The following POU6F2 variants were observed in gnomAD, a reference collection of about 807,000 sequenced individuals.
POU6F2 encodes the protein POU domain, class 6, transcription factor 2.
Under a neutral mutation model 71.3 loss-of-function variants are expected in POU6F2, and 31 were observed. The ratio of observed to expected loss-of-function variants is 0.43; its 90% CI spans 0.33 to 0.59. The LOEUF (loss-of-function observed/expected upper bound fraction) is 0.59, where lower values mean the gene tolerates loss of function less well. Among genes scored for constraint, POU6F2 ranks in the 20% least tolerant of loss-of-function variants. The pLI, the probability that POU6F2 is intolerant of heterozygous loss-of-function variation, is 0.04. For missense variants in POU6F2, 783 were observed against 856.8 expected, an observed-to-expected ratio of 0.91 and a Z score of 1.07; for synonymous variants, 347 against 355.7, an observed-to-expected ratio of 0.98 and a Z score of 0.27.
chr7:39,104,758 C>A (rs1201992241), intron 2 of POU6F2, among the ~76,000 whole-genome samples: 1 of 152,188 alleles, frequency 6.6e-6, no homozygotes, highest in Non-Finnish European at 1.5e-5. Context: ...GTTTTATAAT[C>A]ACCACAAAAG....
At chr7:39,213,303 A>G (rs763571996) in intron 4 of POU6F2, among the ~76,000 whole-genome samples, 1 of 152,174 alleles carries the variant, frequency 6.6e-6, no homozygotes, top group Non-Finnish European at 1.5e-5. Flanking sequence ...CTGACTCCCC[A>G]AATTAAAGCC....
At chr7:39,101,842 T>C (rs994040582) in intron 2 of POU6F2, among the ~76,000 whole-genome samples, 3 of 152,186 alleles carry the variant, frequency 2.0e-5, no homozygotes. Context: ...TAAATATATA[T>C]GGTTATTATT....
At chr7:39,313,462 A>G (rs1297867651) in intron 4 of POU6F2, among the ~76,000 whole-genome samples, 1 of 152,064 alleles carries the variant, frequency 6.6e-6, no homozygotes, top group Admixed American at 6.6e-5. Flanking sequence ...TCTCCCCCAG[A>G]CTACAATGTA....
intron 1 of POU6F2, among the ~76,000 whole-genome samples, chr7:39,084,313 T>C (rs1791190433): frequency 6.6e-6 from 1 of 152,200 alleles, no homozygotes; most frequent in Admixed American, 6.5e-5. Context: ...CCTCAGAGGT[T>C]TGAAACAGTC....
At chr7:39,423,464 A>C (rs1049846003) in intron 6 of POU6F2, among the ~76,000 whole-genome samples, 31 of 152,168 alleles carry the variant, frequency 2.0e-4, no homozygotes, top group African/African-American at 7.0e-4. Flanking sequence ...GGCCCTCAGA[A>C]AGGATTTGCT....
chr7:39,118,997 C>G (rs1244153533), intron 2 of POU6F2, among the ~76,000 whole-genome samples: 4 of 152,214 alleles, frequency 2.6e-5, no homozygotes, highest in Non-Finnish European at 5.9e-5. Flanking sequence ...TTCATTCACT[C>G]ATGTTCAACT....
intron 4 of POU6F2, among the ~76,000 whole-genome samples, chr7:39,260,516 A>G (rs953501702): frequency 2.8e-5 from 4 of 144,682 alleles, no homozygotes; most frequent in Non-Finnish European, 6.1e-5. Flanking sequence ...CACACACCAC[A>G]CCACATTCCA....
intron 5 of POU6F2, among the ~76,000 whole-genome samples, chr7:39,369,975 G>T (rs1786576782): frequency 6.6e-6 from 1 of 151,930 alleles, no homozygotes; most frequent in South Asian, 2.1e-4. Context: ...ACCGCACCCA[G>T]CCTAAAGTAT....
In POU6F2 at chr7:39,354,026, C is replaced by G. The variant is rs1583545985; in HGVS notation, c.972+14011C>G. ...TTTACGCTGATCCGTAACACCCGCC[C>G]GCTCCAGGCGGCCCGGCAGGAGGCT... On this transcript the variant is annotated intron_variant, in intron 5 of 9. Transcript: ENST00000518318. Among the ~76,000 whole-genome samples the G allele has an allele frequency of 3.9e-5, 6 of 152,326 alleles. No individual in the cohort carries two copies. The South Asian group carries it at 1.0e-3, about 26-fold the overall frequency.
intron 4 of POU6F2, among the ~76,000 whole-genome samples, chr7:39,216,925 C>T (rs1343591490): frequency 6.6e-6 from 1 of 151,944 alleles, no homozygotes; most frequent in Non-Finnish European, 1.5e-5. Context: ...AAGGAAGCCC[C>T]CTCCCCACCC....
rs398004470 is a variant in POU6F2 at position 39,246,905 on chromosome 7, C to CTTTTTT, written c.598+39303_598+39308dup. On this transcript the variant is annotated intron_variant, in intron 4 of 9. Coordinates refer to ENST00000518318, the MANE Select transcript of POU6F2 (RefSeq NM_001370959.1). Reference sequence around the variant, plus strand: ...CCAGCTCACCCCAAATCCAGGGTGGCTTTTTTTTTTTTTTTTTTTTTTTGC... The same window carrying CTTTTTT: ...CCAGCTCACCCCAAATCCAGGGTGGCTTTTTTTTTTTTTTTTTTTTTTTTTTTTTGC... 7.7e-4 allele frequency among the ~76,000 whole-genome samples: 60 copies of CTTTTTT among 78,148 alleles called. 2 individuals carry two copies. Among genetic ancestry groups the CTTTTTT allele is most frequent in the Non-Finnish European group, 9.5e-4 (43 of 45,274 alleles). The allele number at this position is 78,148 out of a possible 152,430, so 51.3% of individuals were successfully genotyped here.
intron 5 of POU6F2, among the ~76,000 whole-genome samples, chr7:39,356,625 C>T (rs547897875): frequency 9.9e-4 from 150 of 152,216 alleles, no homozygotes; most frequent in African/African-American, 3.4e-3. Flanking sequence ...TTGTATGTGA[C>T]GATTTCTGAT....
At chr7:39,353,105 G>C (rs917302706) in intron 5 of POU6F2, among the ~76,000 whole-genome samples, 1 of 152,270 alleles carries the variant, frequency 6.6e-6, no homozygotes, top group Non-Finnish European at 1.5e-5. Context: ...CAAGGAGGCA[G>C]GTGGACCTAG....
Position 39,207,405 on chromosome 7 carries a change from C to T in POU6F2, c.383C>T (p.Ala128Val), listed in dbSNP as rs781019319. The T allele has an allele frequency of 3.7e-6, 6 of 1,613,942 alleles. No homozygotes were observed. The South Asian group carries it at 4.4e-5, about 12-fold the overall frequency. ...GTTTCCTTGCAGCCACTTCTGACGG[C>T]ACAGCAGTTAGCTTCTGCTGTGGCC... ...FPVGPQPLLTAQQLASAVAGV... is the reference protein window; with the variant it reads ...FPVGPQPLLTVQQLASAVAGV... Residue 128 changes from alanine to valine, a missense_variant, in exon 4 of 10, where the codon GCA becomes GTA. By Grantham distance (64) the Ala-to-Val change is moderately conservative. This residue lies in a region of POU6F2 where 572 missense variants were observed against 572.9 expected (regional missense o/e 1.00). Coordinates refer to ENST00000518318, the MANE Select transcript of POU6F2 (RefSeq NM_001370959.1).
At position 39,229,099 on chromosome 7, in the gene POU6F2, T is replaced by C. The variant is rs527838787; in HGVS notation, c.598+21479T>C. 6.1e-4 allele frequency among the ~76,000 whole-genome samples: 93 copies of C among 152,348 alleles called. 2 individuals carry two copies. In the South Asian group the frequency reaches 0.019, roughly 32 times the overall value. On this transcript the variant is annotated intron_variant, in intron 4 of 9. Coordinates refer to ENST00000518318, the MANE Select transcript of POU6F2 (RefSeq NM_001370959.1). ...GATCCATTTCAGCACCAAGTTCCTG[T>C]TTAGTCAAGAGAGCCTTAAATGCAT...
At chr7:39,015,083 C>T (rs992860834) in intron 1 of POU6F2, among the ~76,000 whole-genome samples, 1 of 151,518 alleles carries the variant, frequency 6.6e-6, no homozygotes, top group Non-Finnish European at 1.5e-5. Flanking sequence ...ATGTCAGTAA[C>T]TCTGTTAGAA....
intron 4 of POU6F2, among the ~76,000 whole-genome samples, chr7:39,309,267 G>A (rs1321732705): frequency 6.6e-6 from 1 of 152,240 alleles, no homozygotes. Context: ...CAAGGGAGGA[G>A]ATGGTGCAAG....
intron 5 of POU6F2, among the ~76,000 whole-genome samples, chr7:39,402,594 T>C (rs546507316): frequency 6.6e-6 from 1 of 152,252 alleles, no homozygotes; most frequent in East Asian, 1.9e-4. Context: ...TAATGTCTTC[T>C]CTTGCTGTCA....
chr7:39,466,995 T>C lies in POU6F2; in HGVS notation c.*2309T>C, dbSNP rs1583627329. The C allele has an allele frequency of 3.3e-5, 5 of 152,206 alleles. No homozygotes were observed. In the South Asian group the frequency reaches 1.0e-3, roughly 32 times the overall value. 9.4% of individuals were successfully genotyped at this position (152,206 alleles called of 1,614,324 possible). On this transcript the variant is annotated 3_prime_UTR_variant, in exon 10 of 10. Transcript: ENST00000518318. ...AGTTAACAAGATAACATATGATGGATGCTAAATATTTAAATATATGCCGGC... is the reference window on the plus strand; with the variant it reads ...AGTTAACAAGATAACATATGATGGACGCTAAATATTTAAATATATGCCGGC...
Sources: gnomAD v4.1 joint callset for allele counts (sites outside exome capture counted in the v4.1 genomes callset) on GRCh38, gnomAD v4.1.1 for gene constraint, gnomAD v4.1.1 regional missense constraint, MANE v1.5 for transcripts, NCBI Gene and HGNC (gene_info 2026-07-23, HGNC 2026-07-21) for gene names.